LAMB1: variants seen among roughly 807,000 people sequenced by gnomAD.
The protein encoded by LAMB1 is laminin subunit beta-1.
In LAMB1, 121 loss-of-function variants were observed where a neutral mutation model predicts 222.3. The observed-to-expected ratio is 0.54, with a 90% CI of 0.47 to 0.63. The LOEUF is 0.63. Ranked by LOEUF, LAMB1 falls within the 30% of genes least tolerant of loss-of-function variation. LAMB1 has a pLI of 0.00. For synonymous variants in LAMB1, 794 were observed against 807.2 expected (o/e 0.98, Z 0.28); for missense variants, 2,172 against 2,240.8 (o/e 0.97, Z 0.62).
chr7:107,955,654 A>G, intron 20 of LAMB1, 24 bp from the exon 21 acceptor site: 1 of 1,590,538 alleles, frequency 6.3e-7, no homozygotes, highest in Non-Finnish European at 8.6e-7. Context: ...AGAAGAGAAC[A>G]GGCCATGACC....
chr7:107,933,229 A>G (rs1052710143), intron 27 of LAMB1, among the ~76,000 whole-genome samples: 2 of 152,232 alleles, frequency 1.3e-5, no homozygotes, highest in East Asian at 1.9e-4. Flanking sequence ...AGAAAATTGC[A>G]TTTAGAGCTG....
At chr7:107,942,703 A>C (rs1189836303) in intron 24 of LAMB1, 3 of 152,248 alleles carry the variant, frequency 2.0e-5, no homozygotes, top group African/African-American at 7.2e-5. Flanking sequence ...CATCTGGTCT[A>C]TAGCAAGCAT....
intron 2 of LAMB1, chr7:108,002,291 T>C (rs372592865): frequency 1.1e-5 from 15 of 1,307,142 alleles, no homozygotes; most frequent in East Asian, 1.1e-4. Context: ...TGGACGCCGC[T>C]TTCCGGAGCT....
Position 107,998,422 on chromosome 7 carries a change from A to G in LAMB1, c.284T>C (p.Leu95Pro). ...YHETLNPDSH[L>P]IENVVTTFAP... ...AAATGTAGTGACCACATTTTCAATG[A>G]GATGGCTGTCAGGATTCAGGGTCTC... Residue 95 changes from leucine to proline, a missense_variant, in exon 4 of 34, where the codon CTC becomes CCC. Leu to Pro is a moderately conservative substitution (Grantham distance 98). Transcript: ENST00000222399. 6.2e-7 allele frequency: 1 copy of G among 1,614,074 alleles called. No homozygotes were observed. The highest frequency in any genetic ancestry group is 8.5e-7 in the Non-Finnish European group (1 of 1,179,902).
chr7:107,929,861 G>A, intron 29 of LAMB1: 1 of 544,624 alleles, frequency 1.8e-6, no homozygotes. Context: ...TGGGTAGTGA[G>A]GGAAACCTTC....
intron 24 of LAMB1, chr7:107,950,953 TGTGTGTGTGC>T (rs144608557): frequency 2.9e-6 from 1 of 348,750 alleles, no homozygotes; most frequent in Non-Finnish European, 5.2e-6. Flanking sequence ...TGTGTGTGTG[TGTGTGTGTGC>T]TTACACACAG....
In LAMB1 at chr7:107,973,032, G is replaced by A; in HGVS notation, c.1522C>T (p.Arg508Ter). ...CCCCCAAGGTCACAGTCACATGGTC[G>A]ACATCCATCCAAATCATTGCTTAAG... The part of the protein sequence containing the change: ...WGLSNDLDGC[R>*]PCDCDLGGAL... The change falls in exon 13 of 34, where the codon CGA (arginine) becomes TGA (stop). Residue 508 changes from arginine to a stop codon, truncating the protein, a stop_gained. Transcript: ENST00000222399. LOFTEE classifies it high-confidence loss of function. 1.9e-6 allele frequency: 3 copies of A among 1,613,980 alleles called. No individual in the cohort carries two copies. The highest frequency in any genetic ancestry group is 1.3e-5 in the African/African-American group (1 of 75,006).
chr7:107,959,563 A>G (rs760900743), intron 19 of LAMB1, 83 bp from the exon 20 acceptor site: 17 of 1,606,956 alleles, frequency 1.1e-5, no homozygotes, highest in East Asian at 2.2e-5. Context: ...CCTGTCCCCA[A>G]TTCAGAATGC....
chr7:107,973,961 T>C (rs74961160), intron 12 of LAMB1, among the ~76,000 whole-genome samples: 7,757 of 152,164 alleles, frequency 0.051, 658 homozygotes, highest in African/African-American at 0.17. Context: ...TATTTATGAT[T>C]TTAAAAAATT....
chr7:107,962,282 G>A (rs1284532569), intron 15 of LAMB1, among the ~76,000 whole-genome samples: 2 of 152,066 alleles, frequency 1.3e-5, no homozygotes, highest in Admixed American at 6.6e-5. Flanking sequence ...GTTACAGTTC[G>A]GGGCTTCAGT....
At chr7:107,982,951 T>C (rs933544619) in intron 7 of LAMB1, among the ~76,000 whole-genome samples, 2 of 152,140 alleles carry the variant, frequency 1.3e-5, no homozygotes, top group Non-Finnish European at 2.9e-5. Flanking sequence ...ATCCTCCAAG[T>C]CCCACAAATT....
intron 27 of LAMB1, 104 bp downstream of exon 27, chr7:107,935,310 TA>T (rs2032814706): frequency 6.7e-7 from 1 of 1,498,008 alleles, no homozygotes; most frequent in Admixed American, 2.2e-5. Context: ...ATTTGCAAAT[TA>T]TTGTAATAAT....
chr7:107,934,300 C>T (rs1455013955), intron 27 of LAMB1, among the ~76,000 whole-genome samples: 2 of 152,186 alleles, frequency 1.3e-5, no homozygotes, highest in Non-Finnish European at 2.9e-5. Context: ...GAGGAAGCAT[C>T]ACTAAGACAA....
chr7:107,965,530 G>T (rs1309098211), intron 13 of LAMB1, among the ~76,000 whole-genome samples: 1 of 152,168 alleles, frequency 6.6e-6, no homozygotes, highest in Non-Finnish European at 1.5e-5. Context: ...GGTGAGCTGA[G>T]ATCACGCCAT....
intron 7 of LAMB1, 84 bp from the exon 8 acceptor site, chr7:107,980,895 A>C: frequency 1.3e-6 from 1 of 780,086 alleles, no homozygotes; most frequent in East Asian, 2.6e-5. Flanking sequence ...TTCTTTTTAG[A>C]GAAAGGCATG....
intron 4 of LAMB1, 116 bp from the exon 5 acceptor site, chr7:107,995,076 C>T (rs189415513): frequency 2.3e-5 from 14 of 603,462 alleles, no homozygotes; most frequent in African/African-American, 1.5e-4. Flanking sequence ...ATTATCCTCG[C>T]ATTCTACCTT....
At position 107,926,250 on chromosome 7, in the gene LAMB1, G is replaced by T; in HGVS notation, c.4997C>A (p.Ser1666Tyr). 6.2e-7 allele frequency: 1 copy of T among 1,613,984 alleles called. No homozygotes were observed. The highest frequency in any genetic ancestry group is 1.3e-5 in the African/African-American group (1 of 75,028). ...EELKRKAAQNSGEAEYIEKVV... is the reference protein window; with the variant it reads ...EELKRKAAQNYGEAEYIEKVV... Reference sequence around the variant, plus strand: ...TTTTTCAATATATTCTGCCTCCCCGGAGTTTTGGGCAGCTTTCCGCTTAAG... The same window carrying T: ...TTTTTCAATATATTCTGCCTCCCCGTAGTTTTGGGCAGCTTTCCGCTTAAG... Residue 1666 changes from serine to tyrosine, a missense_variant, in exon 32 of 34, where the codon TCC becomes TAC. By Grantham distance (144) the Ser-to-Tyr change is moderately radical. Transcript: ENST00000222399.
intron 24 of LAMB1, among the ~76,000 whole-genome samples, chr7:107,947,817 A>G (rs1035848268): frequency 7.9e-5 from 12 of 152,100 alleles, no homozygotes; most frequent in African/African-American, 2.9e-4. Flanking sequence ...CTGCATACCA[A>G]GTGCCTATAG....
In LAMB1 at chr7:107,935,659, AG is replaced by A. The variant is rs1562976847; in HGVS notation, c.3947-4del. On this transcript the variant is annotated splice_region_variant and splice_polypyrimidine_tract_variant and intron_variant, in intron 26 of 33. Transcript: ENST00000222399. ...CTTGGTAATGCTATCCAAGGCACCTAGGGTAGGAAATGAAATTGCCCACAGT... is the reference window on the plus strand; with the variant it reads ...CTTGGTAATGCTATCCAAGGCACCTAGGTAGGAAATGAAATTGCCCACAGT... 6.2e-7 allele frequency: 1 copy of A among 1,613,286 alleles called. No homozygotes were observed. Among genetic ancestry groups the A allele is most frequent in the Non-Finnish European group, 8.5e-7 (1 of 1,179,434 alleles).
Sources: gnomAD v4.1 joint callset for allele counts (sites outside exome capture counted in the v4.1 genomes callset) on GRCh38, gnomAD v4.1.1 for gene constraint, MANE v1.5 for transcripts, NCBI Gene and HGNC (gene_info 2026-07-23, HGNC 2026-07-21) for gene names.